Variants in CYB5R4 observed in about 807,000 individuals in gnomAD.
CYB5R4 encodes N-terminal cytochrome b5 and cytochrome b5 oxidoreductase domain-containing protein.
A neutral mutation model predicts 70.2 loss-of-function variants in CYB5R4; 55 were observed. The ratio of observed to expected loss-of-function variants is 0.78; its 90% CI spans 0.63 to 0.98. The LOEUF (loss-of-function observed/expected upper bound fraction) is 0.98, where lower values mean the gene tolerates loss of function less well. Among genes scored for constraint, CYB5R4 ranks in the 50% least tolerant of loss-of-function variants. CYB5R4 has a pLI of 0.00. For synonymous variants in CYB5R4, 197 were observed against 199.5 expected, an observed-to-expected ratio of 0.99 and a Z score of 0.11; for missense variants, 562 against 612.6, an observed-to-expected ratio of 0.92 and a Z score of 0.87.
intron 3 of CYB5R4, among the ~76,000 whole-genome samples, chr6:83,908,659 A>G (rs2099464191): frequency 6.6e-6 from 1 of 152,158 alleles, no homozygotes; most frequent in Non-Finnish European, 1.5e-5. Context: ...AATGCAAGAT[A>G]CTAGCAGTTT....
chr6:83,918,016 A>G lies in CYB5R4; in HGVS notation c.457A>G (p.Lys153Glu). The G allele has an allele frequency of 6.2e-7, 1 of 1,611,036 alleles. No homozygotes were observed. The highest frequency in any genetic ancestry group is 1.1e-5 in the South Asian group (1 of 90,788). ...EKKVLNGMLP[K>E]SQVTDTLAKE... ...CTTTCTTTGTAAAGGCATGCTTCCCAAGAGCCAAGTGACAGATACACTTGC... is the reference window on the plus strand; with the variant it reads ...CTTTCTTTGTAAAGGCATGCTTCCCGAGAGCCAAGTGACAGATACACTTGC... Residue 153 changes from lysine (K) to glutamate (E), a missense_variant, in exon 6 of 16, where the codon AAG (lysine) becomes GAG (glutamate). Coordinates refer to ENST00000369681, the MANE Select transcript of CYB5R4 (RefSeq NM_016230.4).
At chr6:83,862,263 A>G (rs1004251299) in intron 1 of CYB5R4, among the ~76,000 whole-genome samples, 4 of 152,252 alleles carry the variant, frequency 2.6e-5, no homozygotes, top group Non-Finnish European at 5.9e-5. Context: ...CACTCAACAT[A>G]TGATAGTTAT....
chr6:83,892,888 T>C (rs940750145), intron 2 of CYB5R4, among the ~76,000 whole-genome samples: 1 of 152,180 alleles, frequency 6.6e-6, no homozygotes, highest in Non-Finnish European at 1.5e-5. Flanking sequence ...TTTCAAAAAT[T>C]ATATACACAG....
intron 12 of CYB5R4, among the ~76,000 whole-genome samples, chr6:83,938,036 AATTAC>A (rs1450518774): frequency 6.6e-6 from 1 of 152,212 alleles, no homozygotes; most frequent in Non-Finnish European, 1.5e-5. Context: ...AAATAAACAA[AATTAC>A]ATTACTTTCT....
intron 2 of CYB5R4, among the ~76,000 whole-genome samples, chr6:83,890,289 A>G (rs1378746365): frequency 6.6e-6 from 1 of 152,172 alleles, no homozygotes; most frequent in Non-Finnish European, 1.5e-5. Flanking sequence ...GGAGTTTGGA[A>G]GAAGGTGATT....
chr6:83,894,553 G>A (rs767143557), intron 3 of CYB5R4, among the ~76,000 whole-genome samples: 2 of 152,034 alleles, frequency 1.3e-5, no homozygotes, highest in Non-Finnish European at 2.9e-5. Context: ...GGGATTAGGG[G>A]TGCCAACACC....
intron 5 of CYB5R4, among the ~76,000 whole-genome samples, chr6:83,917,681 G>A (rs546789501): frequency 2.0e-4 from 30 of 152,202 alleles, no homozygotes; most frequent in Non-Finnish European, 2.9e-5. Context: ...CAGACTAAAA[G>A]AGAACATGTG....
Position 83,960,794 on chromosome 6 carries a change from A to C in CYB5R4, c.*916A>C, listed in dbSNP as rs2099473209. On this transcript the variant is annotated 3_prime_UTR_variant, in exon 16 of 16. Transcript: ENST00000369681. Reference sequence around the variant, plus strand: ...CTTTCTCCACAACTGGTGGTTCAGCAGGAAGCCCTCTTAGGTTCTTGCATG... The same window carrying C: ...CTTTCTCCACAACTGGTGGTTCAGCCGGAAGCCCTCTTAGGTTCTTGCATG... 2 of 152,214 alleles carry C rather than the reference A, an allele frequency of 1.3e-5. No individual in the cohort carries two copies. The highest frequency in any genetic ancestry group is 4.8e-5 in the African/African-American group (2 of 41,462). 9.4% of individuals were successfully genotyped at this position (152,214 alleles called of 1,614,324 possible). A position where few individuals can be genotyped will look rare whatever the true frequency, so the allele number is the denominator to read the frequency against.
chr6:83,949,003 T>C (rs2099471113), intron 14 of CYB5R4, among the ~76,000 whole-genome samples: 1 of 152,036 alleles, frequency 6.6e-6, no homozygotes, highest in South Asian at 2.1e-4. Flanking sequence ...TTGGGTGTGC[T>C]CTTTCTCTCT....
intron 2 of CYB5R4, among the ~76,000 whole-genome samples, chr6:83,879,668 G>A (rs866675101): frequency 1.4e-4 from 22 of 152,116 alleles, no homozygotes; most frequent in Admixed American, 2.0e-4. Context: ...TCTTGCTGCA[G>A]ATATTACACA....
chr6:83,933,839 A>G (rs1245640078), intron 10 of CYB5R4, among the ~76,000 whole-genome samples: 1 of 152,210 alleles, frequency 6.6e-6, no homozygotes, highest in Non-Finnish European at 1.5e-5. Flanking sequence ...CCATAATCCT[A>G]TTCCTACCAT....
intron 14 of CYB5R4, among the ~76,000 whole-genome samples, chr6:83,949,173 A>G (rs1477317091): frequency 2.7e-5 from 4 of 149,618 alleles, no homozygotes; most frequent in African/African-American, 9.9e-5. Flanking sequence ...CAAAATGACC[A>G]TGCCTGTGTA....
At chr6:83,928,356 C>T (rs999867732) in intron 10 of CYB5R4, among the ~76,000 whole-genome samples, 15 of 152,028 alleles carry the variant, frequency 9.9e-5, no homozygotes, top group African/African-American at 2.7e-4. Flanking sequence ...GGAAACAGGC[C>T]GACAAGGACA....
At chr6:83,905,791 A>G (rs2099463669) in intron 3 of CYB5R4, among the ~76,000 whole-genome samples, 1 of 151,852 alleles carries the variant, frequency 6.6e-6, no homozygotes, top group South Asian at 2.1e-4. Flanking sequence ...TGACGGTGGC[A>G]GTCGCAGGAT....
intron 1 of CYB5R4, among the ~76,000 whole-genome samples, 178 bp from the exon 2 acceptor site, chr6:83,863,997 T>C (rs1448416919): frequency 1.3e-5 from 2 of 152,210 alleles, no homozygotes; most frequent in Non-Finnish European, 2.9e-5. Context: ...GGTGAAAATT[T>C]GTGTGGTAGA....
At chr6:83,949,375 C>T (rs1481468866) in intron 14 of CYB5R4, among the ~76,000 whole-genome samples, 1 of 152,046 alleles carries the variant, frequency 6.6e-6, no homozygotes, top group African/African-American at 2.4e-5. Flanking sequence ...TAATTAGTCA[C>T]AGTTGTATTT....
intron 14 of CYB5R4, among the ~76,000 whole-genome samples, chr6:83,951,213 A>G (rs377574051): frequency 1.3e-5 from 2 of 152,318 alleles, no homozygotes; most frequent in Admixed American, 6.5e-5. Flanking sequence ...GTTATTTGAC[A>G]TAGTGACTAG....
At chr6:83,869,801 C>T (rs755645587) in intron 2 of CYB5R4, among the ~76,000 whole-genome samples, 35 of 151,114 alleles carry the variant, frequency 2.3e-4, no homozygotes, top group Non-Finnish European at 3.8e-4. Flanking sequence ...CCAGCCTGGG[C>T]GACAAGGGCA....
intron 10 of CYB5R4, among the ~76,000 whole-genome samples, chr6:83,934,136 A>G (rs2099468562): frequency 6.6e-6 from 1 of 152,026 alleles, no homozygotes; most frequent in Admixed American, 6.6e-5. Flanking sequence ...GCTCATGCCT[A>G]TAATCTCAAC....
Sources: allele counts gnomAD v4.1 joint callset (sites outside exome capture counted in the v4.1 genomes callset), GRCh38; gene constraint gnomAD v4.1.1; transcripts MANE v1.5; gene names NCBI Gene and HGNC (gene_info 2026-07-23, HGNC 2026-07-21).